Variants in SOX5 observed in about 807,000 individuals in gnomAD.
SOX5 encodes SRY-box transcription factor 5.
SOX5 carries 9 observed loss-of-function variants against 92.0 expected under a neutral mutation model. That is an observed-to-expected ratio of 0.10 (90% CI 0.06 to 0.17). The LOEUF (loss-of-function observed/expected upper bound fraction) is 0.17, where lower values mean the gene tolerates loss of function less well. Ranked by LOEUF, SOX5 falls within the 10% of genes least tolerant of loss-of-function variation. The probability of loss-of-function intolerance (pLI) is 1.00; values close to 1 mark genes in which losing one functional copy is unlikely to be tolerated. For synonymous variants in SOX5, 344 were observed against 336.3 expected, an observed-to-expected ratio of 1.02 and a Z score of -0.25; for missense variants, 642 against 944.5, an observed-to-expected ratio of 0.68 and a Z score of 4.20.
intron 7 of SOX5, among the ~76,000 whole-genome samples, chr12:23,646,868 T>C (rs1046629931): frequency 6.6e-6 from 1 of 152,218 alleles, no homozygotes; most frequent in Non-Finnish European, 1.5e-5. Flanking sequence ...CCTCTACTGA[T>C]GTCTTGAACC....
intron 4 of SOX5, among the ~76,000 whole-genome samples, chr12:24,033,139 C>A (rs1263843865): frequency 6.6e-6 from 1 of 151,868 alleles, no homozygotes; most frequent in African/African-American, 2.4e-5. Context: ...GAATCTAAAT[C>A]ATGTTTCTCC....
chr12:23,880,050 G>C (rs1204717118), intron 2 of SOX5, among the ~76,000 whole-genome samples: 1 of 152,118 alleles, frequency 6.6e-6, no homozygotes, highest in Non-Finnish European at 1.5e-5. Flanking sequence ...CCAGTGTGAG[G>C]ATGCACCACA....
intron 1 of SOX5, among the ~76,000 whole-genome samples, chr12:24,558,869 T>G (rs1954067035): frequency 6.6e-6 from 1 of 152,240 alleles, no homozygotes. Context: ...TGATCATAAT[T>G]GGATTAAGAA....
At chr12:24,531,318 T>C (rs1951178382) in intron 1 of SOX5, among the ~76,000 whole-genome samples, 1 of 152,160 alleles carries the variant, frequency 6.6e-6, no homozygotes, top group Admixed American at 6.5e-5. Flanking sequence ...AATTATTTTT[T>C]CCATTTGGAC....
At chr12:23,540,361 T>TGTA (rs1555131852) in intron 13 of SOX5, among the ~76,000 whole-genome samples, 2 of 142,784 alleles carry the variant, frequency 1.4e-5, no homozygotes, top group Non-Finnish European at 3.1e-5. Context: ...AAACTTAAAG[T>TGTA]ATAATAATAA....
chr12:23,726,474 A>G (rs955859581), intron 6 of SOX5, among the ~76,000 whole-genome samples: 1 of 152,156 alleles, frequency 6.6e-6, no homozygotes, highest in African/African-American at 2.4e-5. Context: ...ATTTTACCAC[A>G]CTATTGTGTA....
In SOX5 at chr12:23,982,767, CA is replaced by C. The variant is rs529753507; in HGVS notation, c.-1-86744del. On this transcript the variant is annotated intron_variant, in intron 4 of 4. Coordinates refer to the SOX5 transcript ENST00000446891. ...AATAATTTATTTAACCTAATATATC[CA>C]AAATATAATAAATTCAATATATAAT... is the stretch of plus-strand genomic sequence containing the variant. Among the ~76,000 whole-genome samples, 223 of 151,536 alleles carry C rather than the reference CA, an allele frequency of 1.5e-3. 1 individual carries two copies. Among genetic ancestry groups the C allele is most frequent in the African/African-American group, 5.3e-3 (220 of 41,346 alleles).
At chr12:23,808,114 GATAT>G (rs68032222) in intron 3 of SOX5, among the ~76,000 whole-genome samples, 4 of 149,908 alleles carry the variant, frequency 2.7e-5, no homozygotes, top group African/African-American at 7.3e-5. Flanking sequence ...TCAGAATTCT[GATAT>G]ATATATATAT....
chr12:23,555,524 C>T (rs1303821860), intron 11 of SOX5, among the ~76,000 whole-genome samples: 1 of 151,686 alleles, frequency 6.6e-6, no homozygotes, highest in Non-Finnish European at 1.5e-5. Context: ...AAAACTCACA[C>T]CATAATTGCT....
chr12:23,878,956 G>A (rs1445424391), intron 2 of SOX5, among the ~76,000 whole-genome samples: 3 of 152,096 alleles, frequency 2.0e-5, no homozygotes, highest in Admixed American at 6.6e-5. Context: ...GAGTTAGGGG[G>A]TAGTAGTGAA....
chr12:23,882,437 G>A (rs1317925879), intron 2 of SOX5, among the ~76,000 whole-genome samples: 1 of 151,418 alleles, frequency 6.6e-6, no homozygotes, highest in Non-Finnish European at 1.5e-5. Flanking sequence ...ATATCATCAT[G>A]TAGCCTTTAG....
At chr12:24,281,490 C>T (rs1945194965) in intron 2 of SOX5, among the ~76,000 whole-genome samples, 1 of 152,186 alleles carries the variant, frequency 6.6e-6, no homozygotes, top group African/African-American at 2.4e-5. Context: ...GCTGGGCCGC[C>T]CTGCACTATT....
intron 1 of SOX5, among the ~76,000 whole-genome samples, chr12:24,523,450 G>A (rs1950428478): frequency 6.6e-6 from 1 of 152,126 alleles, no homozygotes; most frequent in South Asian, 2.1e-4. Flanking sequence ...GAGAAAAAAA[G>A]AACAAAGCTG....
intron 4 of SOX5, among the ~76,000 whole-genome samples, chr12:24,026,174 C>T (rs1278686824): frequency 6.6e-6 from 1 of 151,984 alleles, no homozygotes; most frequent in Non-Finnish European, 1.5e-5. Flanking sequence ...TCTTTTGCTT[C>T]CTAAAGGAAA....
chr12:24,052,294 A>C (rs1248099827), intron 4 of SOX5, among the ~76,000 whole-genome samples: 1 of 152,222 alleles, frequency 6.6e-6, no homozygotes, highest in Non-Finnish European at 1.5e-5. Context: ...CAAAATTTTC[A>C]CCTGACTTCT....
intron 1 of SOX5, 70 bp downstream of exon 1, chr12:23,949,494 A>G (rs747818312): frequency 1.9e-5 from 30 of 1,583,300 alleles, no homozygotes; most frequent in African/African-American, 6.7e-5. Flanking sequence ...GCATCTTCCA[A>G]TGATTCAGAG....
intron 3 of SOX5, among the ~76,000 whole-genome samples, chr12:24,221,213 GA>G (rs1354411944): frequency 1.3e-5 from 2 of 152,084 alleles, no homozygotes; most frequent in Non-Finnish European, 2.9e-5. Flanking sequence ...TACTAATATG[GA>G]AATGAGCTAG....
intron 13 of SOX5, among the ~76,000 whole-genome samples, chr12:23,541,471 G>A (rs1403395084): frequency 1.3e-5 from 2 of 152,172 alleles, no homozygotes; most frequent in Non-Finnish European, 2.9e-5. Flanking sequence ...AAACTGGTAT[G>A]TTGTTTTTTA....
rs75482910 is a variant in SOX5 at position 24,523,531 on chromosome 12, T to A, written c.-251+38798A>T. Reference sequence around the variant, plus strand: ...CAATGAGAACAGTATGCTACTGGCATAAAAATAGACATGTGGACCGATGGA... The same window carrying A: ...CAATGAGAACAGTATGCTACTGGCAAAAAAATAGACATGTGGACCGATGGA... On this transcript the variant is annotated intron_variant, in intron 1 of 4. Transcript: ENST00000446891. 8.3e-3 allele frequency among the ~76,000 whole-genome samples: 1,270 copies of A among 152,232 alleles called. 19 individuals carry two copies. Among genetic ancestry groups the A allele is most frequent in the African/African-American group, 0.03 (1,231 of 41,534 alleles).
Sources: allele counts gnomAD v4.1 joint callset (sites outside exome capture counted in the v4.1 genomes callset), GRCh38; gene constraint gnomAD v4.1.1; transcripts MANE v1.5; gene names NCBI Gene and HGNC (gene_info 2026-07-23, HGNC 2026-07-21).